Variants in ABCA4 observed in about 807,000 individuals in gnomAD.
ABCA4 encodes the protein retinal-specific phospholipid-transporting ATPase ABCA4.
Under a neutral mutation model 263.7 loss-of-function variants are expected in ABCA4, and 196 were observed. That is an observed-to-expected ratio of 0.74 (90% CI 0.66 to 0.84). ABCA4 has a LOEUF of 0.84. ABCA4 is among the 40% of genes least tolerant of loss of function. The pLI is 0.00. For synonymous variants in ABCA4, 1,133 were observed against 1,094.2 expected (o/e 1.04, Z -0.70); for missense variants, 2,792 against 2,855.1 (o/e 0.98, Z 0.50).
intron 30 of ABCA4, among the ~76,000 whole-genome samples, chr1:94,026,103 TA>T (rs1405995518): frequency 2.0e-5 from 3 of 152,230 alleles, no homozygotes; most frequent in Non-Finnish European, 4.4e-5. Flanking sequence ...TACATTCTCA[TA>T]AAAGCATTCA....
chr1:94,085,140 G>C (rs545542), intron 6 of ABCA4, among the ~76,000 whole-genome samples: 37,278 of 151,936 alleles, frequency 0.25, 5,007 homozygotes, highest in Non-Finnish European at 0.31. Flanking sequence ...ATCATAGCAT[G>C]GTGATTTTGT....
At chr1:94,060,859 T>G (rs1661105966) in intron 13 of ABCA4, 100 bp from the exon 14 acceptor site, 4 of 1,033,000 alleles carry the variant, frequency 3.9e-6, no homozygotes, top group Non-Finnish European at 5.9e-6. Flanking sequence ...AAAGCCCAGA[T>G]GGAGGGAAAG....
At chr1:94,056,161 C>A (rs1365770536) in intron 15 of ABCA4, among the ~76,000 whole-genome samples, 1 of 152,198 alleles carries the variant, frequency 6.6e-6, no homozygotes, top group African/African-American at 2.4e-5. Context: ...GTTAAAGATA[C>A]TTGTGGAAAT....
chr1:94,116,970 C>A (rs866664960), intron 1 of ABCA4, among the ~76,000 whole-genome samples: 6 of 66,664 alleles, frequency 9.0e-5, no homozygotes, highest in Admixed American at 7.8e-4. Context: ...CTTTCTTTCT[C>A]TTTCTTTCTT....
chr1:93,994,367 C>T (rs1457807220), intron 49 of ABCA4, among the ~76,000 whole-genome samples: 5 of 152,130 alleles, frequency 3.3e-5, no homozygotes, highest in East Asian at 1.9e-4. Context: ...GGTAAGCAAA[C>T]GCTGATTTCT....
chr1:94,077,725 C>G lies in ABCA4; in HGVS notation c.1519G>C (p.Asp507His). The part of the protein sequence containing the change: ...FDWRDIFNIT[D>H]RTLRLVNQYL... ...TGATTGACCAGGCGGAGGGTGCGAT[C>G]AGTGATGTTAAATATGTCCCTCCAG... The change falls in exon 11 of 50, where the codon GAT becomes CAT. Residue 507 changes from aspartate to histidine, a missense_variant. Transcript: ENST00000370225. 3.1e-6 allele frequency: 5 copies of G among 1,613,982 alleles called. No individual in the cohort carries two copies. Among genetic ancestry groups the G allele is most frequent in the Non-Finnish European group, 4.2e-6 (5 of 1,179,912 alleles).
rs776773510 is a variant in ABCA4, at chr1:94,042,793, G to A, written c.3296C>T (p.Ser1099Leu). ...ATACTTCAGGAGCAGATCCCAGATT[G>A]AGCGTCTCGAGTAAGGGTCCACCCC... ...TSGVDPYSRR[S>L]IWDLLLKYRS... Residue 1099 changes from serine to leucine, a missense_variant, in exon 22 of 50, where the codon TCA (serine) becomes TTA (leucine). Physicochemically the swap from Ser to Leu is moderately radical, Grantham distance 145 (BLOSUM62 -2). Coordinates refer to ENST00000370225, the MANE Select transcript of ABCA4 (RefSeq NM_000350.3). 8.1e-6 allele frequency: 13 copies of A among 1,614,090 alleles called. No individual in the cohort carries two copies. Among genetic ancestry groups the A allele is most frequent in the South Asian group, 7.7e-5 (7 of 91,088 alleles).
chr1:93,993,281 T>C, intron 49 of ABCA4, 39 bp from the exon 50 acceptor site: 1 of 1,613,618 alleles, frequency 6.2e-7, no homozygotes, highest in Non-Finnish European at 8.5e-7. Context: ...TCATCTTGGT[T>C]TTCTGAGATG....
Position 93,993,031 on chromosome 1 carries a change from G to C in ABCA4, c.*206C>G, listed in dbSNP as rs1658911113. 1 of 632,100 alleles carries C rather than the reference G, an allele frequency of 1.6e-6. No individual in the cohort carries two copies. The highest frequency in any genetic ancestry group is 2.8e-5 in the Admixed American group (1 of 35,666). The allele number at this position is 632,100 out of a possible 1,614,324, so 39.2% of individuals were successfully genotyped here. A position where few individuals can be genotyped will look rare whatever the true frequency, so the allele number is the denominator to read the frequency against. On this transcript the variant is annotated 3_prime_UTR_variant, in exon 50 of 50. Transcript: ENST00000370225. ...TTGTATTTGTTTGGTTTCACCATCA[G>C]GTGTTCCAGGTGAGCAAGTCAGTTT... is the stretch of plus-strand genomic sequence containing the variant.
intron 20 of ABCA4, 26 bp from the exon 21 acceptor site, chr1:94,043,501 G>A: frequency 6.2e-7 from 1 of 1,614,032 alleles, no homozygotes; most frequent in Non-Finnish European, 8.5e-7. Flanking sequence ...AACGAGAAAA[G>A]CAGTGGCTTA....
chr1:94,038,460 T>C (rs1010010261), intron 24 of ABCA4, among the ~76,000 whole-genome samples: 2 of 152,144 alleles, frequency 1.3e-5, no homozygotes, highest in Non-Finnish European at 2.9e-5. Flanking sequence ...TTTTCTTTTT[T>C]TGTTGTTTAA....
intron 44 of ABCA4, among the ~76,000 whole-genome samples, chr1:94,003,942 AT>A (rs201539358): frequency 4.6e-4 from 69 of 149,406 alleles, no homozygotes; most frequent in African/African-American, 1.3e-3. Context: ...CCAGCCCCTT[AT>A]TTTTTTTTTA....
chr1:94,002,590 C>T (rs1000334604), intron 44 of ABCA4, among the ~76,000 whole-genome samples: 3 of 152,150 alleles, frequency 2.0e-5, no homozygotes, highest in Non-Finnish European at 2.9e-5. Flanking sequence ...TGTGCACATG[C>T]GCAGGAGGGG....
chr1:93,994,088 G>A (rs1488790556), intron 49 of ABCA4, among the ~76,000 whole-genome samples: 2 of 152,186 alleles, frequency 1.3e-5, no homozygotes, highest in Non-Finnish European at 2.9e-5. Flanking sequence ...CTAACACAAA[G>A]ATACGAGTTA....
At chr1:94,115,518 T>A (rs1249052222) in intron 1 of ABCA4, among the ~76,000 whole-genome samples, 3 of 152,154 alleles carry the variant, frequency 2.0e-5, no homozygotes, top group African/African-American at 7.2e-5. Flanking sequence ...GAGGTCAAGT[T>A]ACTGGGGTTC....
intron 31 of ABCA4, 104 bp from the exon 32 acceptor site, chr1:94,023,522 G>T: frequency 9.4e-7 from 1 of 1,063,034 alleles, no homozygotes; most frequent in Non-Finnish European, 1.4e-6. Flanking sequence ...TCAGTCTTCA[G>T]GGGCATTTTT....
intron 19 of ABCA4, 90 bp downstream of exon 19, chr1:94,046,828 TG>T: frequency 6.7e-7 from 1 of 1,498,088 alleles, no homozygotes; most frequent in Non-Finnish European, 9.2e-7. Flanking sequence ...CTAAAATTTG[TG>T]GGAAAGAGTA....
rs201843632 is a variant in ABCA4 at position 94,011,322 on chromosome 1, C to T, written c.5524G>A (p.Gly1842Ser). ...AGTGCAAGGTCAATGAGGCCCCGGC[C>T]CAGGCAGAAGTGGGGGAAGACAATG... ...LLIVFPHFCLGRGLIDLALSQ... is the reference protein window; with the variant it reads ...LLIVFPHFCLSRGLIDLALSQ... The change falls in exon 39 of 50, where the codon GGC becomes AGC. Residue 1842 changes from glycine (G) to serine (S), a missense_variant. By Grantham distance (56) the Gly-to-Ser change is moderately conservative. Transcript: ENST00000370225. The T allele has an allele frequency of 6.2e-7, 1 of 1,613,990 alleles. No homozygotes were observed. Among genetic ancestry groups the T allele is most frequent in the South Asian group, 1.1e-5 (1 of 91,080 alleles).
At chr1:94,023,543 A>G in intron 31 of ABCA4, 125 bp from the exon 32 acceptor site, 1 of 848,056 alleles carries the variant, frequency 1.2e-6, no homozygotes, top group Non-Finnish European at 2.0e-6. Flanking sequence ...GCATTTTCCG[A>G]TATCCAAGCA....
Sources: gnomAD v4.1 joint callset for allele counts (sites outside exome capture counted in the v4.1 genomes callset) on GRCh38, gnomAD v4.1.1 for gene constraint, MANE v1.5 for transcripts, NCBI Gene and HGNC (gene_info 2026-07-23, HGNC 2026-07-21) for gene names.